CARF: variants seen among roughly 807,000 people sequenced by gnomAD.
CARF encodes calcium-responsive transcription factor.
CARF carries 57 observed loss-of-function variants against 82.0 expected under a neutral mutation model. The ratio of observed to expected loss-of-function variants is 0.70; its 90% CI spans 0.56 to 0.87. The LOEUF is 0.87. Ranked by LOEUF, CARF falls within the 40% of genes least tolerant of loss-of-function variation. The pLI is 0.00. For missense variants in CARF, 771 were observed against 855.8 expected, an observed-to-expected ratio of 0.90 and a Z score of 1.24; for synonymous variants, 268 against 290.1, an observed-to-expected ratio of 0.92 and a Z score of 0.77.
chr2:202,983,590 A>C lies in CARF; in HGVS notation c.2144A>C (p.Lys715Thr), dbSNP rs770541757. Residue 715 changes from lysine (K) to threonine (T), a missense_variant, in exon 17 of 17, where the codon AAA (lysine) becomes ACA (threonine). Coordinates refer to ENST00000438828, the MANE Select transcript of CARF (RefSeq NM_024744.17). Reference sequence around the variant, plus strand: ...CCAGCATTGTCTATGGAAGCAAAAAAAACTGTGGACTATAAGAAATTATCT... The same window carrying C: ...CCAGCATTGTCTATGGAAGCAAAAACAACTGTGGACTATAAGAAATTATCT... ...KEPALSMEAK[K>T]TVDYKKLSAT 9 of 1,609,586 alleles carry C rather than the reference A, an allele frequency of 5.6e-6. No homozygotes were observed. In the Admixed American group the frequency reaches 1.2e-4, roughly 21 times the overall value.
chr2:202,933,786 CTG>C (rs1169648829), intron 3 of CARF, among the ~76,000 whole-genome samples: 1 of 152,194 alleles, frequency 6.6e-6, no homozygotes, highest in Non-Finnish European at 1.5e-5. Flanking sequence ...TTGCTATTAA[CTG>C]TAGTCACTAT....
chr2:202,981,529 T>G, intron 14 of CARF, 26 bp from the exon 15 acceptor site: 1 of 1,454,838 alleles, frequency 6.9e-7, no homozygotes, highest in Non-Finnish European at 9.3e-7. Flanking sequence ...AAAAATTATT[T>G]TAATAGTTTC....
chr2:202,928,877 G>A (rs562045923), intron 3 of CARF, among the ~76,000 whole-genome samples: 19 of 152,158 alleles, frequency 1.2e-4, no homozygotes, highest in Middle Eastern at 3.4e-3. Flanking sequence ...CCACAGGTCC[G>A]TGCCACCATC....
At chr2:202,966,002 C>T (rs2059533836) in intron 9 of CARF, among the ~76,000 whole-genome samples, 1 of 152,202 alleles carries the variant, frequency 6.6e-6, no homozygotes, top group African/African-American at 2.4e-5. Context: ...CAGATTCACT[C>T]TTGTGGCTGT....
chr2:202,912,563 C>G lies in CARF; in HGVS notation c.-869C>G, dbSNP rs1040525861. 6.6e-6 allele frequency: 1 copy of G among 151,596 alleles called. No homozygotes were observed. The highest frequency in any genetic ancestry group is 1.5e-5 in the Non-Finnish European group (1 of 67,864). The allele number at this position is 151,596 out of a possible 1,614,324, so 9.4% of individuals were successfully genotyped here. A position where few individuals can be genotyped will look rare whatever the true frequency, so the allele number is the denominator to read the frequency against. ...GCCGGCCTCCGCCCCCAGCCGCAGC[C>G]GGTCACTGGCGGCGCCTTCCGCGCC... On this transcript the variant is annotated 5_prime_UTR_variant, in exon 1 of 17. Coordinates refer to ENST00000438828, the MANE Select transcript of CARF (RefSeq NM_024744.17).
chr2:202,941,236 A>G (rs1479750414), intron 3 of CARF, among the ~76,000 whole-genome samples: 1 of 152,184 alleles, frequency 6.6e-6, no homozygotes, highest in East Asian at 1.9e-4. Context: ...TTTTGTAGCC[A>G]TATATTAAAA....
At chr2:202,981,471 G>T in intron 14 of CARF, 84 bp from the exon 15 acceptor site, 1 of 1,009,310 alleles carries the variant, frequency 9.9e-7, no homozygotes, top group Non-Finnish European at 1.4e-6. Context: ...TTTTAGTTCT[G>T]ACAGAAAGGG....
At chr2:202,940,832 G>A (rs111394538) in intron 3 of CARF, among the ~76,000 whole-genome samples, 13 of 152,008 alleles carry the variant, frequency 8.6e-5, no homozygotes, top group African/African-American at 1.9e-4. Context: ...AGGGGAGGGC[G>A]GTCACTGGAG....
rs1285248973 is a variant in CARF at position 202,912,969 on chromosome 2, A to AT, written c.-462dup. 6.6e-6 allele frequency: 1 copy of AT among 152,146 alleles called. No individual in the cohort carries two copies. Among genetic ancestry groups the AT allele is most frequent in the Non-Finnish European group, 1.5e-5 (1 of 68,030 alleles). The allele number at this position is 152,146 out of a possible 1,614,324, so 9.4% of individuals were successfully genotyped here. ...CAATGGTCCCAAGAATTACTCTAAT[A>AT]TAGTTGTTTTTCTGAGGGAGGATGG... On this transcript the variant is annotated 5_prime_UTR_variant, in exon 1 of 17. The change abolishes the stop of an existing upstream ORF in the 5' untranslated region. Coordinates refer to ENST00000438828, the MANE Select transcript of CARF (RefSeq NM_024744.17).
chr2:202,946,150 T>C (rs2058486502), intron 5 of CARF, among the ~76,000 whole-genome samples: 2 of 152,182 alleles, frequency 1.3e-5, no homozygotes, highest in African/African-American at 4.8e-5. Flanking sequence ...TAAAACTACT[T>C]TAAATTTCAT....
intron 8 of CARF, among the ~76,000 whole-genome samples, chr2:202,956,548 G>A (rs891710573): frequency 2.0e-5 from 3 of 152,032 alleles, no homozygotes; most frequent in African/African-American, 7.2e-5. Context: ...ACTGCGCCAG[G>A]CCAGATTTTG....
chr2:202,970,266 C>T (rs965747283), intron 11 of CARF, among the ~76,000 whole-genome samples: 2 of 152,112 alleles, frequency 1.3e-5, no homozygotes, highest in African/African-American at 4.8e-5. Flanking sequence ...GTAGATAATT[C>T]AGACCAAAGA....
At chr2:202,927,620 C>T (rs1397182792) in intron 3 of CARF, among the ~76,000 whole-genome samples, 6 of 151,758 alleles carry the variant, frequency 4.0e-5, no homozygotes, top group African/African-American at 1.2e-4. Context: ...ATGTATAAAA[C>T]GTGTAATGAT....
intron 3 of CARF, among the ~76,000 whole-genome samples, chr2:202,933,606 T>C (rs1325228100): frequency 1.3e-5 from 2 of 152,144 alleles, no homozygotes; most frequent in Non-Finnish European, 2.9e-5. Flanking sequence ...GGATGCTTCC[T>C]TCCATTCTCT....
chr2:202,919,196 G>A (rs879884803), intron 2 of CARF, among the ~76,000 whole-genome samples: 5 of 151,988 alleles, frequency 3.3e-5, no homozygotes, highest in East Asian at 1.9e-4. Context: ...TTTTTAACTC[G>A]TTTTAAAGGA....
intron 3 of CARF, among the ~76,000 whole-genome samples, chr2:202,940,742 G>T (rs1559212715): frequency 6.6e-6 from 1 of 151,980 alleles, no homozygotes; most frequent in South Asian, 2.1e-4. Context: ...CAAAACTAAT[G>T]TATTAGAACT....
At chr2:202,957,449 A>G (rs960174872) in intron 8 of CARF, among the ~76,000 whole-genome samples, 5 of 152,052 alleles carry the variant, frequency 3.3e-5, no homozygotes, top group Non-Finnish European at 7.4e-5. Flanking sequence ...TACTTTTGAC[A>G]GATACTCCAG....
rs1388653208 is a variant in CARF at position 202,981,637 on chromosome 2, G to GCTCTCCTCA, written c.1651_1659dup (p.Leu551_Ser553dup). 1 of 1,611,994 alleles carries GCTCTCCTCA rather than the reference G, an allele frequency of 6.2e-7. No individual in the cohort carries two copies. Among genetic ancestry groups the GCTCTCCTCA allele is most frequent in the Non-Finnish European group, 8.5e-7 (1 of 1,178,806 alleles). On this transcript the variant is annotated inframe_insertion, in exon 15 of 17. Coordinates refer to ENST00000438828, the MANE Select transcript of CARF (RefSeq NM_024744.17). ...CTTTGTCTCCTGAGCCAACCCACTTGCTCTCCTCACTCTCCTCATTTCAGC... is the reference window on the plus strand; with the variant it reads ...CTTTGTCTCCTGAGCCAACCCACTTGCTCTCCTCACTCTCCTCACTCTCCTCATTTCAGC...
At chr2:202,923,703 T>G (rs944066176) in intron 2 of CARF, among the ~76,000 whole-genome samples, 1 of 152,146 alleles carries the variant, frequency 6.6e-6, no homozygotes, top group African/African-American at 2.4e-5. Flanking sequence ...CCGGAGGCAT[T>G]ACATTACCTG....
Sources: gnomAD v4.1 joint callset for allele counts (sites outside exome capture counted in the v4.1 genomes callset) on GRCh38, gnomAD v4.1.1 for gene constraint, MANE v1.5 for transcripts, NCBI Gene and HGNC (gene_info 2026-07-23, HGNC 2026-07-21) for gene names.